Variants in SUMF1 observed in about 807,000 individuals in gnomAD.
SUMF1 encodes formylglycine-generating enzyme.
In SUMF1, 48 loss-of-function variants were observed where a neutral mutation model predicts 47.6. The ratio of observed to expected loss-of-function variants is 1.01; its 90% confidence interval spans 0.80 to 1.28. The LOEUF is 1.28. Among genes scored for constraint, SUMF1 ranks in the 50% most tolerant of loss-of-function variants. The pLI, the probability that SUMF1 is intolerant of heterozygous loss-of-function variation, is 0.00. For missense variants in SUMF1, 571 were observed against 485.4 expected, an observed-to-expected ratio of 1.18 and a Z score of -1.66; for synonymous variants, 230 against 192.1, an observed-to-expected ratio of 1.20 and a Z score of -1.63.
At chr3:4,297,773 T>C (rs145969453) in intron 8 of SUMF1, among the ~76,000 whole-genome samples, 15 of 152,254 alleles carry the variant, frequency 9.9e-5, no homozygotes, top group African/African-American at 3.1e-4. Context: ...TAATTTCTGC[T>C]GACTTTCCTC....
chr3:4,112,062 C>T (rs73129198), intron 8 of SUMF1, among the ~76,000 whole-genome samples: 6,453 of 151,902 alleles, frequency 0.042, 242 homozygotes, highest in African/African-American at 0.091. Context: ...TGATTATTAC[C>T]CCTCATTTTG....
At chr3:4,383,812 T>A (rs2124892908) in intron 7 of SUMF1, among the ~76,000 whole-genome samples, 1 of 152,268 alleles carries the variant, frequency 6.6e-6, no homozygotes, top group South Asian at 2.1e-4. Flanking sequence ...AATCTGTAAC[T>A]CTGACACAGA....
intron 9 of SUMF1, among the ~76,000 whole-genome samples, chr3:4,066,961 C>T (rs1695392374): frequency 6.6e-6 from 1 of 152,152 alleles, no homozygotes; most frequent in Non-Finnish European, 1.5e-5. Context: ...GTGTTCCTTA[C>T]TGAAAAATTA....
chr3:4,303,663 T>C, intron 8 of SUMF1: 1 of 1,462,500 alleles, frequency 6.8e-7, no homozygotes. Flanking sequence ...TGCGCGGGAA[T>C]AGGTGTGCAT....
At chr3:4,411,141 C>T (rs1701528121) in intron 6 of SUMF1, among the ~76,000 whole-genome samples, 163 bp from the exon 7 acceptor site, 1 of 151,752 alleles carries the variant, frequency 6.6e-6, no homozygotes, top group African/African-American at 2.4e-5. Context: ...AAGAAAGGGG[C>T]ATTTTTTTTT....
intron 7 of SUMF1, among the ~76,000 whole-genome samples, chr3:4,399,151 G>A (rs1369926841): frequency 6.6e-6 from 1 of 152,140 alleles, no homozygotes; most frequent in African/African-American, 2.4e-5. Flanking sequence ...CTTCAGGGGA[G>A]AAAAGTCCCA....
chr3:4,351,598 G>A (rs915338882), intron 8 of SUMF1, among the ~76,000 whole-genome samples: 3 of 152,162 alleles, frequency 2.0e-5, no homozygotes, highest in Non-Finnish European at 4.4e-5. Flanking sequence ...GGATGAATGT[G>A]TTCCATGCAC....
chr3:4,268,853 T>A (rs544307445), intron 8 of SUMF1, among the ~76,000 whole-genome samples: 11 of 152,108 alleles, frequency 7.2e-5, no homozygotes, highest in African/African-American at 1.7e-4. Flanking sequence ...AAAAAATACC[T>A]TTAAAAAAGA....
At chr3:4,230,436 A>G (rs1696273515) in intron 8 of SUMF1, among the ~76,000 whole-genome samples, 1 of 152,058 alleles carries the variant, frequency 6.6e-6, no homozygotes. Context: ...GGCTTACAGA[A>G]CCCAGGGCAA....
At chr3:4,340,071 T>C (rs1462246207) in intron 8 of SUMF1, among the ~76,000 whole-genome samples, 1 of 151,246 alleles carries the variant, frequency 6.6e-6, no homozygotes, top group Non-Finnish European at 1.5e-5. Flanking sequence ...GAGTGAGACC[T>C]TGTCTCAAAA....
chr3:4,058,991 A>ATTTT (rs1574849458), intron 9 of SUMF1, among the ~76,000 whole-genome samples: 1 of 152,268 alleles, frequency 6.6e-6, no homozygotes. Flanking sequence ...AAAGCTGTAA[A>ATTTT]TAAAAAATGC....
chr3:4,237,333 G>A (rs960556386), intron 8 of SUMF1, among the ~76,000 whole-genome samples: 14 of 152,202 alleles, frequency 9.2e-5, no homozygotes, highest in South Asian at 8.3e-4. Context: ...TAATCAATGT[G>A]TACTGGTATC....
intron 2 of SUMF1, among the ~76,000 whole-genome samples, chr3:4,450,238 T>C (rs1253712684): frequency 6.6e-6 from 1 of 152,232 alleles, no homozygotes; most frequent in Non-Finnish European, 1.5e-5. Flanking sequence ...GTTCAAGAGA[T>C]GCACTTTGAG....
chr3:4,066,491 C>T (rs555925091), intron 9 of SUMF1, among the ~76,000 whole-genome samples: 9 of 152,086 alleles, frequency 5.9e-5, no homozygotes, highest in South Asian at 2.1e-4. Flanking sequence ...TTGTCTTATC[C>T]GACAAACTTT....
intron 3 of SUMF1, among the ~76,000 whole-genome samples, chr3:4,432,133 T>C (rs1463677475): frequency 6.6e-6 from 1 of 152,126 alleles, no homozygotes; most frequent in South Asian, 2.1e-4. Context: ...AGAATAATCA[T>C]AACTCATTCA....
intron 8 of SUMF1, among the ~76,000 whole-genome samples, chr3:4,326,336 G>C (rs1465966887): frequency 6.6e-6 from 1 of 152,042 alleles, no homozygotes; most frequent in Non-Finnish European, 1.5e-5. Flanking sequence ...GACTTTTAAA[G>C]CTTTCTCAAG....
At chr3:4,266,782 A>G (rs1289987382) in intron 8 of SUMF1, among the ~76,000 whole-genome samples, 2 of 148,234 alleles carry the variant, frequency 1.3e-5, no homozygotes, top group Non-Finnish European at 3.0e-5. Context: ...GTGGTGAGAG[A>G]GGGCATCCCT....
intron 8 of SUMF1, among the ~76,000 whole-genome samples, chr3:4,204,776 T>A (rs1695616413): frequency 6.6e-6 from 1 of 152,122 alleles, no homozygotes; most frequent in Non-Finnish European, 1.5e-5. Flanking sequence ...GACACACTGA[T>A]GTATTTTTTC....
intron 8 of SUMF1, among the ~76,000 whole-genome samples, chr3:4,287,468 C>T (rs1056485391): frequency 3.3e-5 from 5 of 151,196 alleles, no homozygotes; most frequent in African/African-American, 4.9e-5. Context: ...TGTTGGTCAC[C>T]GCACAACCTT....
Sources: allele counts gnomAD v4.1 joint callset (sites outside exome capture counted in the v4.1 genomes callset), GRCh38; gene constraint gnomAD v4.1.1; transcripts MANE v1.5; gene names NCBI Gene and HGNC (gene_info 2026-07-23, HGNC 2026-07-21).